Variants in SDK1 observed in about 807,000 individuals in gnomAD.
SDK1 encodes the protein protein sidekick-1.
Under a neutral mutation model 245.5 loss-of-function variants are expected in SDK1, and 157 were observed. The observed-to-expected ratio is 0.64, with a 90% CI of 0.56 to 0.73. SDK1 has a LOEUF of 0.73. Among genes scored for constraint, SDK1 ranks in the 30% least tolerant of loss-of-function variants. The probability of loss-of-function intolerance (pLI) is 0.00; values close to 1 mark genes in which losing one functional copy is unlikely to be tolerated. For missense variants in SDK1, 3,583 were observed against 3,002.3 expected, an observed-to-expected ratio of 1.19 and a Z score of -4.52; for synonymous variants, 1,647 against 1,278.5, an observed-to-expected ratio of 1.29 and a Z score of -6.15.
chr7:4,260,517 C>G (rs1412574816), intron 44 of SDK1, among the ~76,000 whole-genome samples: 1 of 110,628 alleles, frequency 9.0e-6, no homozygotes, highest in Non-Finnish European at 1.8e-5. Context: ...GCTGGCTGCT[C>G]CGGGGTCTCT....
intron 4 of SDK1, among the ~76,000 whole-genome samples, chr7:3,707,012 T>G (rs1379996739): frequency 2.0e-5 from 3 of 152,232 alleles, no homozygotes; most frequent in African/African-American, 7.2e-5. Flanking sequence ...GATTTTTGTT[T>G]CATTGATATT....
At chr7:3,552,980 T>A (rs1779463992) in intron 1 of SDK1, among the ~76,000 whole-genome samples, 1 of 152,200 alleles carries the variant, frequency 6.6e-6, no homozygotes, top group East Asian at 1.9e-4. Flanking sequence ...TTACATTTTT[T>A]ATCATAAAAC....
chr7:3,600,616 G>A (rs116569415), intron 1 of SDK1, among the ~76,000 whole-genome samples: 3,793 of 147,794 alleles, frequency 0.026, 157 homozygotes, highest in African/African-American at 0.084. Context: ...GTGCAGCGGC[G>A]CAATCTTGGC....
At chr7:3,359,983 T>G (rs1190366128) in intron 1 of SDK1, among the ~76,000 whole-genome samples, 1 of 152,212 alleles carries the variant, frequency 6.6e-6, no homozygotes, top group Non-Finnish European at 1.5e-5. Context: ...CAAAGAAAGT[T>G]TGTAAGCAAA....
At chr7:3,838,690 T>C (rs1410241941) in intron 5 of SDK1, among the ~76,000 whole-genome samples, 4 of 152,184 alleles carry the variant, frequency 2.6e-5, no homozygotes, top group African/African-American at 9.7e-5. Flanking sequence ...AGGGAGCTGA[T>C]GGGATGCTGC....
chr7:3,743,690 C>T (rs535987391), intron 4 of SDK1, among the ~76,000 whole-genome samples: 5 of 152,120 alleles, frequency 3.3e-5, no homozygotes, highest in South Asian at 2.1e-4. Flanking sequence ...ATGTATTAGT[C>T]GTTGTAAGTA....
intron 5 of SDK1, among the ~76,000 whole-genome samples, chr7:3,841,059 C>G (rs780486051): frequency 6.6e-6 from 1 of 152,214 alleles, no homozygotes; most frequent in Non-Finnish European, 1.5e-5. Context: ...CACAGCCTCA[C>G]TTGTCTCCAA....
intron 1 of SDK1, among the ~76,000 whole-genome samples, chr7:3,480,515 G>A (rs947282260): frequency 5.3e-5 from 8 of 152,188 alleles, no homozygotes; most frequent in African/African-American, 1.9e-4. Context: ...AAGAACTTCG[G>A]TGTTCCCGAT....
chr7:4,089,889 C>G (rs905961715), intron 22 of SDK1, among the ~76,000 whole-genome samples: 21 of 152,234 alleles, frequency 1.4e-4, no homozygotes, highest in African/African-American at 3.9e-4. Context: ...AGGCTCCACT[C>G]CAGGACATGG....
At chr7:3,646,943 A>G (rs779868391) in intron 4 of SDK1, among the ~76,000 whole-genome samples, 1 of 152,208 alleles carries the variant, frequency 6.6e-6, no homozygotes, top group African/African-American at 2.4e-5. Context: ...GTTGCCAGGG[A>G]CTTGGGGGAA....
At chr7:3,423,079 A>G (rs185791756) in intron 1 of SDK1, among the ~76,000 whole-genome samples, 64 of 152,340 alleles carry the variant, frequency 4.2e-4, no homozygotes, top group African/African-American at 1.5e-3. Flanking sequence ...TGAAAAGTCT[A>G]GGGAATAATC....
chr7:3,583,240 G>C (rs1042758599), intron 1 of SDK1, among the ~76,000 whole-genome samples: 2 of 152,232 alleles, frequency 1.3e-5, no homozygotes, highest in Admixed American at 6.5e-5. Context: ...AAATTTGGCA[G>C]TTCCTGCTCT....
intron 5 of SDK1, among the ~76,000 whole-genome samples, chr7:3,849,428 C>G (rs1780365472): frequency 6.6e-6 from 1 of 152,170 alleles, no homozygotes; most frequent in Admixed American, 6.5e-5. Context: ...TGTATAGTTT[C>G]TAATGGCAAG....
chr7:4,008,790 A>G (rs1174183750), intron 14 of SDK1, among the ~76,000 whole-genome samples: 1 of 152,232 alleles, frequency 6.6e-6, no homozygotes, highest in Admixed American at 6.5e-5. Flanking sequence ...TTCTTTGAAG[A>G]GAAACCTCAT....
chr7:4,000,053 A>G (rs1298105778), intron 14 of SDK1, among the ~76,000 whole-genome samples: 1 of 152,196 alleles, frequency 6.6e-6, no homozygotes, highest in East Asian at 1.9e-4. Flanking sequence ...CAGAGAGTGA[A>G]GGAAAGCAGG....
At chr7:3,876,616 T>C (rs984631749) in intron 5 of SDK1, among the ~76,000 whole-genome samples, 10 of 152,250 alleles carry the variant, frequency 6.6e-5, no homozygotes, top group African/African-American at 1.9e-4. Context: ...GTTTAAGATA[T>C]TGAAAATTAC....
In SDK1 at chr7:3,532,947, G is replaced by A. The variant is rs549921150; in HGVS notation, c.299-86133G>A. Among the ~76,000 whole-genome samples the A allele has an allele frequency of 2.4e-3, 367 of 152,254 alleles. 3 individuals carry two copies. The highest frequency in any genetic ancestry group is 0.018 in the South Asian group (86 of 4,818). ...ACCATGCATCGGCACTCAGAAAAAA[G>A]TAGCAAAAACATGGTAGTGGAGAGG... is the stretch of plus-strand genomic sequence containing the variant. On this transcript the variant is annotated intron_variant, in intron 1 of 44. Transcript: ENST00000404826.
intron 1 of SDK1, among the ~76,000 whole-genome samples, chr7:3,394,169 C>G (rs753659186): frequency 1.3e-5 from 2 of 151,808 alleles, no homozygotes; most frequent in African/African-American, 4.8e-5. Context: ...TTCTCCCAAA[C>G]ACATGGAGTC....
rs146254744 is a variant in SDK1, at chr7:3,450,499, G to T, written c.298+148615G>T. Among the ~76,000 whole-genome samples the T allele has an allele frequency of 4.0e-3, 609 of 152,282 alleles. 18 individuals carry two copies. The highest frequency in any genetic ancestry group is 0.037 in the Admixed American group (561 of 15,294). ...CAGTGCTAGCATTTGGGATATAAAG[G>T]AAGGGAAGGGGTCTAGGATGATACG... On this transcript the variant is annotated intron_variant, in intron 1 of 44. Transcript: ENST00000404826.
Sources: allele counts gnomAD v4.1 joint callset (sites outside exome capture counted in the v4.1 genomes callset), GRCh38; gene constraint gnomAD v4.1.1; transcripts MANE v1.5; gene names NCBI Gene and HGNC (gene_info 2026-07-23, HGNC 2026-07-21).